Variants in SLC24A3 observed in about 807,000 individuals in gnomAD.
SLC24A3 encodes the protein sodium/potassium/calcium exchanger 3.
Under a neutral mutation model 75.8 loss-of-function variants are expected in SLC24A3, and 28 were observed. That is an observed-to-expected ratio of 0.37 (90% confidence interval 0.27 to 0.51). The LOEUF is 0.51. SLC24A3 is among the 20% of genes least tolerant of loss of function. SLC24A3 has a pLI of 0.94. For missense variants in SLC24A3, 663 were observed against 847.8 expected, an observed-to-expected ratio of 0.78 and a Z score of 2.71; for synonymous variants, 372 against 334.1, an observed-to-expected ratio of 1.11 and a Z score of -1.24.
chr20:19,568,618 G>C (rs551997086), intron 3 of SLC24A3, among the ~76,000 whole-genome samples: 2 of 152,140 alleles, frequency 1.3e-5, no homozygotes, highest in Non-Finnish European at 2.9e-5. Context: ...AAAATGGGGA[G>C]TTATTGTTTA....
intron 6 of SLC24A3, among the ~76,000 whole-genome samples, chr20:19,639,708 C>T (rs530619021): frequency 4.6e-5 from 7 of 152,346 alleles, no homozygotes; most frequent in East Asian, 1.9e-4. Flanking sequence ...AGGCTCCGGC[C>T]GCACAGGAGC....
chr20:19,683,619 A>G (rs1231764341), intron 10 of SLC24A3, among the ~76,000 whole-genome samples: 1 of 152,236 alleles, frequency 6.6e-6, no homozygotes, highest in East Asian at 1.9e-4. Flanking sequence ...TCAATTCAGT[A>G]GCATTTAACA....
intron 2 of SLC24A3, among the ~76,000 whole-genome samples, chr20:19,445,718 A>G (rs745405950): frequency 7.2e-5 from 11 of 152,130 alleles, no homozygotes; most frequent in Non-Finnish European, 1.2e-4. Context: ...GGACATAGAC[A>G]AAGTCAGCTC....
chr20:19,678,886 T>G (rs1294072252), intron 9 of SLC24A3, among the ~76,000 whole-genome samples: 2 of 148,396 alleles, frequency 1.3e-5, no homozygotes, highest in East Asian at 4.0e-4. Flanking sequence ...GGGCAGAGGC[T>G]CTCCTCACAT....
At chr20:19,616,211 A>C (rs932287595) in intron 6 of SLC24A3, among the ~76,000 whole-genome samples, 6 of 152,314 alleles carry the variant, frequency 3.9e-5, no homozygotes, top group African/African-American at 1.4e-4. Flanking sequence ...CCTCTGTGTC[A>C]GTGGATGTGG....
At chr20:19,244,598 G>T (rs1187247867) in intron 1 of SLC24A3, among the ~76,000 whole-genome samples, 2 of 152,172 alleles carry the variant, frequency 1.3e-5, no homozygotes, top group Non-Finnish European at 2.9e-5. Flanking sequence ...GAAGGCAGCG[G>T]CAGGCCGGCA....
intron 7 of SLC24A3, among the ~76,000 whole-genome samples, chr20:19,663,371 G>T (rs181763825): frequency 6.3e-4 from 36 of 57,100 alleles, no homozygotes; most frequent in Admixed American, 1.4e-3. Flanking sequence ...CAGCCACAGG[G>T]TAGAGAAGCC....
chr20:19,677,293 CAA>C (rs5840854), intron 9 of SLC24A3, among the ~76,000 whole-genome samples: 21 of 102,540 alleles, frequency 2.0e-4, no homozygotes, highest in Admixed American at 4.4e-4. Context: ...GACCCCGTTC[CAA>C]AAAAAAAAAA....
chr20:19,271,089 C>T (rs1200504658), intron 1 of SLC24A3, among the ~76,000 whole-genome samples: 2 of 152,136 alleles, frequency 1.3e-5, no homozygotes, highest in Non-Finnish European at 2.9e-5. Context: ...CTCCTGGGCT[C>T]AGCCCTATAG....
intron 1 of SLC24A3, among the ~76,000 whole-genome samples, chr20:19,233,907 T>C (rs1355272013): frequency 1.3e-5 from 2 of 152,214 alleles, no homozygotes; most frequent in Non-Finnish European, 2.9e-5. Flanking sequence ...TGCTAAATTG[T>C]CTTTATATTG....
At chr20:19,343,675 G>T (rs984300692) in intron 2 of SLC24A3, among the ~76,000 whole-genome samples, 1 of 152,152 alleles carries the variant, frequency 6.6e-6, no homozygotes, top group Non-Finnish European at 1.5e-5. Context: ...CCATGAGAGG[G>T]TGGCACCAAG....
intron 8 of SLC24A3, among the ~76,000 whole-genome samples, chr20:19,670,420 G>T (rs187587580): frequency 1.3e-5 from 2 of 152,300 alleles, no homozygotes; most frequent in Admixed American, 1.3e-4. Flanking sequence ...CATCCTACAG[G>T]CATCTCTGCA....
intron 9 of SLC24A3, 111 bp downstream of exon 9, chr20:19,673,765 C>A: frequency 1.2e-6 from 1 of 841,608 alleles, no homozygotes; most frequent in Non-Finnish European, 2.0e-6. Context: ...CAGTGTGTAT[C>A]ATCACAGTCA....
At chr20:19,443,874 C>A (rs1398508552) in intron 2 of SLC24A3, among the ~76,000 whole-genome samples, 3 of 152,152 alleles carry the variant, frequency 2.0e-5, no homozygotes, top group Non-Finnish European at 2.9e-5. Context: ...TAAGGCTTTT[C>A]TCTAGCCATG....
chr20:19,689,525 C>T (rs534706392), intron 12 of SLC24A3, among the ~76,000 whole-genome samples: 18 of 152,294 alleles, frequency 1.2e-4, no homozygotes, highest in African/African-American at 3.4e-4. Context: ...TAATTCATTG[C>T]TGTACCCCCA....
At chr20:19,549,234 T>C (rs930023341) in intron 3 of SLC24A3, among the ~76,000 whole-genome samples, 1 of 152,226 alleles carries the variant, frequency 6.6e-6, no homozygotes, top group African/African-American at 2.4e-5. Flanking sequence ...CACTTCTCTG[T>C]GAAGGCTTTA....
intron 1 of SLC24A3, among the ~76,000 whole-genome samples, chr20:19,245,783 T>A (rs1982469502): frequency 6.6e-6 from 1 of 152,042 alleles, no homozygotes; most frequent in Admixed American, 6.5e-5. Context: ...TAAAACAATT[T>A]AAAACTTCTA....
At chr20:19,683,220 T>G (rs890536395) in intron 10 of SLC24A3, among the ~76,000 whole-genome samples, 1 of 152,230 alleles carries the variant, frequency 6.6e-6, no homozygotes, top group Non-Finnish European at 1.5e-5. Context: ...GAGGATTTTA[T>G]TTAGTTTCTT....
At chr20:19,664,479 C>T (rs1371594984) in intron 7 of SLC24A3, among the ~76,000 whole-genome samples, 1 of 152,256 alleles carries the variant, frequency 6.6e-6, no homozygotes, top group African/African-American at 2.4e-5. Context: ...CAAATGAGCA[C>T]AGCTCCTTCC....
Sources: gnomAD v4.1 joint callset for allele counts (sites outside exome capture counted in the v4.1 genomes callset) on GRCh38, gnomAD v4.1.1 for gene constraint, MANE v1.5 for transcripts, NCBI Gene and HGNC (gene_info 2026-07-23, HGNC 2026-07-21) for gene names.